MSRA: variants seen among roughly 807,000 people sequenced by gnomAD.
The protein encoded by MSRA is methionine sulfoxide reductase A.
A neutral mutation model predicts 31.3 loss-of-function variants in MSRA; 54 were observed. The observed-to-expected ratio is 1.73, with a 90% CI of 1.39 to 2.17. The LOEUF (loss-of-function observed/expected upper bound fraction) is 2.17, where lower values mean the gene tolerates loss of function less well. Ranked by LOEUF, MSRA falls within the 30% of genes most tolerant of loss-of-function variation. The probability of loss-of-function intolerance (pLI) is 0.00; values close to 1 mark genes in which losing one functional copy is unlikely to be tolerated. For synonymous variants in MSRA, 169 were observed against 116.5 expected (o/e 1.45, Z -2.90); for missense variants, 507 against 300.9 (o/e 1.69, Z -5.07).
In MSRA at chr8:10,344,357, CA is replaced by C. The variant is rs376519240; in HGVS notation, c.543+24370del. Among the ~76,000 whole-genome samples, 43 of 151,622 alleles carry C rather than the reference CA, an allele frequency of 2.8e-4. 1 individual carries two copies. The East Asian group carries it at 7.8e-3, about 27-fold the overall frequency. ...CATTTCCACCGAGGCAGGTGGATCA[CA>C]AGGTCAGGAGTTGAAGACCAGCCTG... On this transcript the variant is annotated intron_variant, in intron 5 of 5. Coordinates refer to ENST00000317173, the MANE Select transcript of MSRA (RefSeq NM_012331.5).
chr8:10,389,854 A>G (rs1232657686), intron 5 of MSRA, among the ~76,000 whole-genome samples: 1 of 143,162 alleles, frequency 7.0e-6, no homozygotes, highest in African/African-American at 2.6e-5. Flanking sequence ...GTATACAACC[A>G]CACACTGTTG....
At chr8:10,212,898 T>C (rs1042974799) in intron 2 of MSRA, among the ~76,000 whole-genome samples, 1 of 152,222 alleles carries the variant, frequency 6.6e-6, no homozygotes, top group Admixed American at 6.5e-5. Context: ...TTTTTTAATT[T>C]AAAAGTTTTG....
chr8:10,142,602 C>T (rs868213016), intron 1 of MSRA, among the ~76,000 whole-genome samples: 1 of 152,224 alleles, frequency 6.6e-6, no homozygotes, highest in African/African-American at 2.4e-5. Context: ...GTCTGAATTT[C>T]TTTAACCTTC....
At chr8:10,064,907 C>T (rs980227901) in intron 1 of MSRA, among the ~76,000 whole-genome samples, 4 of 152,104 alleles carry the variant, frequency 2.6e-5, no homozygotes, top group African/African-American at 7.2e-5. Flanking sequence ...CATAGCTTTC[C>T]ACGTGGGGAA....
chr8:10,301,767 T>C, intron 4 of MSRA, 129 bp downstream of exon 4: 1 of 760,310 alleles, frequency 1.3e-6, no homozygotes, highest in Non-Finnish European at 2.1e-6. Context: ...TGCAGACATT[T>C]ATTGACGGAG....
intron 2 of MSRA, among the ~76,000 whole-genome samples, chr8:10,229,253 A>G (rs1811260468): frequency 6.6e-6 from 1 of 152,146 alleles, no homozygotes. Context: ...AGATGGTGAG[A>G]AGGTCAATAT....
At chr8:10,268,445 C>G (rs538918548) in intron 3 of MSRA, among the ~76,000 whole-genome samples, 1 of 152,236 alleles carries the variant, frequency 6.6e-6, no homozygotes, top group Admixed American at 6.5e-5. Context: ...TGAACTTCTA[C>G]TCCCGAGGTT....
intron 2 of MSRA, among the ~76,000 whole-genome samples, chr8:10,218,906 C>T (rs1226567424): frequency 6.6e-6 from 1 of 152,196 alleles, no homozygotes; most frequent in Non-Finnish European, 1.5e-5. Context: ...AAGCAAGAAG[C>T]AGGCACACTG....
At chr8:10,332,153 C>G (rs1427765599) in intron 5 of MSRA, among the ~76,000 whole-genome samples, 2 of 152,162 alleles carry the variant, frequency 1.3e-5, no homozygotes, top group Non-Finnish European at 2.9e-5. Flanking sequence ...AAGTTGCATG[C>G]TAGAAGCATC....
At chr8:10,066,734 C>T (rs1661025658) in intron 1 of MSRA, among the ~76,000 whole-genome samples, 1 of 152,094 alleles carries the variant, frequency 6.6e-6, no homozygotes, top group Non-Finnish European at 1.5e-5. Context: ...TGGTTTCTAC[C>T]ATGTTGGCCG....
chr8:10,373,980 A>G lies in MSRA; in HGVS notation c.543+53991A>G, dbSNP rs1193601303. On this transcript the variant is annotated intron_variant, in intron 5 of 5. Transcript: ENST00000317173. ...GTGGGCTGGACCCAAGGGCAGATGC[A>G]TGTCTCACTGCCATGCTCGCCCTCC... is the stretch of plus-strand genomic sequence containing the variant. Among the ~76,000 whole-genome samples, 3 of 152,184 alleles carry G rather than the reference A, an allele frequency of 2.0e-5. No individual in the cohort carries two copies. The East Asian group carries it at 5.8e-4, about 29-fold the overall frequency.
chr8:10,066,062 G>A (rs566051900), intron 1 of MSRA, among the ~76,000 whole-genome samples: 5 of 151,494 alleles, frequency 3.3e-5, no homozygotes, highest in Non-Finnish European at 5.9e-5. Context: ...TTGCTCTGTC[G>A]GCCAGGCTGG....
At chr8:10,212,336 GAT>G (rs1433392922) in intron 2 of MSRA, among the ~76,000 whole-genome samples, 1 of 152,126 alleles carries the variant, frequency 6.6e-6, no homozygotes, top group East Asian at 1.9e-4. Context: ...AGGCAATTAG[GAT>G]ATAATGTCCC....
At chr8:10,124,011 G>A (rs1738940313) in intron 1 of MSRA, among the ~76,000 whole-genome samples, 2 of 151,948 alleles carry the variant, frequency 1.3e-5, no homozygotes, top group African/African-American at 4.8e-5. Flanking sequence ...GTTCTGGGAG[G>A]CTGAGGTTGG....
At position 10,211,446 on chromosome 8, in the gene MSRA, G is replaced by T. The variant is rs527851624; in HGVS notation, c.211+3545G>T. On this transcript the variant is annotated intron_variant, in intron 2 of 5. Coordinates refer to ENST00000317173, the MANE Select transcript of MSRA (RefSeq NM_012331.5). ...CAATGAGAACGAAGGTAATAGGCTT[G>T]GTCCTCCTTGGGGGCTTCTCCTACC... Among the ~76,000 whole-genome samples the T allele has an allele frequency of 3.3e-5, 5 of 152,208 alleles. No homozygotes were observed. In the South Asian group the frequency reaches 1.0e-3, roughly 32 times the overall value.
chr8:10,270,704 C>A (rs372648091), intron 3 of MSRA, among the ~76,000 whole-genome samples: 1 of 152,216 alleles, frequency 6.6e-6, no homozygotes. Context: ...ATTTCATAAG[C>A]ATTCATAACG....
intron 2 of MSRA, among the ~76,000 whole-genome samples, chr8:10,226,158 G>A (rs555748798): frequency 4.5e-4 from 68 of 152,306 alleles, no homozygotes; most frequent in South Asian, 3.3e-3. Context: ...TGACTGTTCA[G>A]GTGACTATAG....
At chr8:10,197,944 C>T (rs771365012) in intron 1 of MSRA, among the ~76,000 whole-genome samples, 14 of 152,200 alleles carry the variant, frequency 9.2e-5, no homozygotes, top group African/African-American at 1.2e-4. Flanking sequence ...TGTGATGGAG[C>T]AGGCAAGCAG....
chr8:10,211,619 C>T (rs749238352), intron 2 of MSRA, among the ~76,000 whole-genome samples: 32 of 152,130 alleles, frequency 2.1e-4, no homozygotes, highest in Non-Finnish European at 3.4e-4. Context: ...CTTTAGAGCG[C>T]CCGCCCTGTG....
Sources: gnomAD v4.1 joint callset for allele counts (sites outside exome capture counted in the v4.1 genomes callset) on GRCh38, gnomAD v4.1.1 for gene constraint, MANE v1.5 for transcripts, NCBI Gene and HGNC (gene_info 2026-07-23, HGNC 2026-07-21) for gene names.